Variants in WWC2 observed in about 807,000 individuals in gnomAD.
WWC2 encodes protein WWC2.
WWC2 carries 101 observed loss-of-function variants against 138.5 expected under a neutral mutation model. The observed-to-expected ratio is 0.73, with a 90% CI of 0.62 to 0.86. The LOEUF (loss-of-function observed/expected upper bound fraction) is 0.86, where lower values mean the gene tolerates loss of function less well. Ranked by LOEUF, WWC2 falls within the 40% of genes least tolerant of loss-of-function variation. The pLI is 0.00. For missense variants in WWC2, 1,420 were observed against 1,419.4 expected (o/e 1.00, Z -0.01); for synonymous variants, 558 against 538.4 (o/e 1.04, Z -0.50).
intron 2 of WWC2, among the ~76,000 whole-genome samples, chr4:183,205,486 A>G (rs913894345): frequency 9.9e-5 from 15 of 152,128 alleles, no homozygotes; most frequent in African/African-American, 3.6e-4. Flanking sequence ...TTTTCTCCAG[A>G]TTATGGGCCA....
At chr4:183,274,414 TTCAGAG>T (rs1442371712) in intron 16 of WWC2, among the ~76,000 whole-genome samples, 2 of 152,222 alleles carry the variant, frequency 1.3e-5, no homozygotes, top group Non-Finnish European at 2.9e-5. Flanking sequence ...TTTCATAGTT[TTCAGAG>T]TCAAAGTTTG....
intron 21 of WWC2, among the ~76,000 whole-genome samples, chr4:183,290,162 C>G (rs1012383180): frequency 6.6e-6 from 1 of 152,030 alleles, no homozygotes; most frequent in Admixed American, 6.6e-5. Flanking sequence ...TTGACATTCT[C>G]CCTTACCTTT....
At chr4:183,182,146 C>T (rs116319002) in intron 1 of WWC2, among the ~76,000 whole-genome samples, 6 of 152,214 alleles carry the variant, frequency 3.9e-5, no homozygotes, top group Non-Finnish European at 8.8e-5. Flanking sequence ...AAAGTCCTCT[C>T]AGTTTCTTAA....
intron 1 of WWC2, among the ~76,000 whole-genome samples, chr4:183,150,653 A>G (rs1733612128): frequency 6.6e-6 from 1 of 152,014 alleles, no homozygotes; most frequent in African/African-American, 2.4e-5. Flanking sequence ...TACATTAAGT[A>G]TTTCTCCTAA....
Position 183,317,486 on chromosome 4 carries a change from G to T in WWC2, c.*1757G>T, listed in dbSNP as rs1000271686. 6.6e-6 allele frequency: 1 copy of T among 152,582 alleles called. No homozygotes were observed. The highest frequency in any genetic ancestry group is 1.5e-5 in the Non-Finnish European group (1 of 68,016). 9.5% of individuals were successfully genotyped at this position (152,582 alleles called of 1,614,324 possible). A position where few individuals can be genotyped will look rare whatever the true frequency, so the allele number is the denominator to read the frequency against. ...TCTATTAGATGACTAAGGAAAACTA[G>T]AAAAAGAATACAGTTCACCCTTGTC... is the stretch of plus-strand genomic sequence containing the variant. On this transcript the variant is annotated 3_prime_UTR_variant, in exon 23 of 23. Transcript: ENST00000403733.
intron 16 of WWC2, among the ~76,000 whole-genome samples, chr4:183,272,304 T>C (rs1737717432): frequency 6.6e-6 from 1 of 152,232 alleles, no homozygotes; most frequent in Non-Finnish European, 1.5e-5. Flanking sequence ...CCCAGGCTTG[T>C]GATAGACACT....
intron 11 of WWC2, among the ~76,000 whole-genome samples, chr4:183,263,594 G>A (rs1052963731): frequency 6.6e-6 from 1 of 152,160 alleles, no homozygotes; most frequent in African/African-American, 2.4e-5. Context: ...CTGAAAACAA[G>A]TGAAAGCGTA....
chr4:183,126,102 G>A (rs1262016922), intron 1 of WWC2, among the ~76,000 whole-genome samples: 1 of 152,224 alleles, frequency 6.6e-6, no homozygotes. Context: ...TCCTGGCCCA[G>A]TTCAGTTCCT....
intron 1 of WWC2, among the ~76,000 whole-genome samples, chr4:183,113,463 CTGAGG>C (rs1316429213): frequency 6.7e-6 from 1 of 150,010 alleles, no homozygotes; most frequent in Non-Finnish European, 1.5e-5. Flanking sequence ...TTCAATTGAA[CTGAGG>C]TAAGGTGGGG....
At chr4:183,135,544 TTATA>T (rs376850602) in intron 1 of WWC2, among the ~76,000 whole-genome samples, 3,711 of 150,004 alleles carry the variant, frequency 0.025, 75 homozygotes, top group Non-Finnish European at 0.037. Flanking sequence ...AGTACTTTAA[TTATA>T]TATATATATA....
intron 1 of WWC2, among the ~76,000 whole-genome samples, chr4:183,109,443 G>T (rs576748840): frequency 6.6e-6 from 1 of 152,316 alleles, no homozygotes; most frequent in African/African-American, 2.4e-5. Context: ...GACTGGTTTT[G>T]TGGAAGACAA....
chr4:183,145,966 GAT>G lies in WWC2; in HGVS notation c.131+46345_131+46346del, dbSNP rs553829660. 7.2e-5 allele frequency among the ~76,000 whole-genome samples: 11 copies of G among 152,318 alleles called. No homozygotes were observed. The South Asian group carries it at 2.3e-3, about 32-fold the overall frequency. ...ATTCCTTAAGTTTTGAAGTTTGGTTGATTAATGTGTCTACTTGAAGGATTTAT... is the reference window on the plus strand; with the variant it reads ...ATTCCTTAAGTTTTGAAGTTTGGTTGTAATGTGTCTACTTGAAGGATTTAT... On this transcript the variant is annotated intron_variant, in intron 1 of 22. Transcript: ENST00000403733.
At chr4:183,300,576 TA>T in intron 21 of WWC2, among the ~76,000 whole-genome samples, 1 of 152,308 alleles carries the variant, frequency 6.6e-6, no homozygotes, top group South Asian at 2.1e-4. Context: ...AATTGTTTGG[TA>T]TTGATTATTA....
chr4:183,286,320 G>A (rs1364791327), intron 20 of WWC2, among the ~76,000 whole-genome samples: 2 of 152,092 alleles, frequency 1.3e-5, no homozygotes, highest in East Asian at 1.9e-4. Flanking sequence ...TGGAGAAGGG[G>A]CCTTCTGAGC....
At chr4:183,113,544 G>A (rs1342658175) in intron 1 of WWC2, among the ~76,000 whole-genome samples, 1 of 148,708 alleles carries the variant, frequency 6.7e-6, no homozygotes, top group Admixed American at 6.6e-5. Flanking sequence ...ACATGCACGT[G>A]CATGCAAGAT....
intron 2 of WWC2, among the ~76,000 whole-genome samples, chr4:183,202,435 C>T (rs1315942053): frequency 6.6e-6 from 1 of 152,096 alleles, no homozygotes; most frequent in Non-Finnish European, 1.5e-5. Context: ...AATACACCAT[C>T]CACTGACAAA....
At chr4:183,238,911 A>T (rs1225378909) in intron 4 of WWC2, among the ~76,000 whole-genome samples, 1 of 152,322 alleles carries the variant, frequency 6.6e-6, no homozygotes, top group East Asian at 1.9e-4. Context: ...ACTCAGGCCT[A>T]GCACCAGACA....
chr4:183,312,493 T>C (rs778732575), intron 22 of WWC2, 25 bp downstream of exon 22: 1 of 1,611,928 alleles, frequency 6.2e-7, no homozygotes, highest in Admixed American at 1.7e-5. Flanking sequence ...CCAGGACAGC[T>C]TTTGGGTTGC....
chr4:183,230,326 G>T (rs1214521196), intron 4 of WWC2, among the ~76,000 whole-genome samples: 3 of 151,412 alleles, frequency 2.0e-5, no homozygotes, highest in Non-Finnish European at 4.4e-5. Flanking sequence ...GAGCAATGTA[G>T]TCAACCTAAG....
Sources: allele counts gnomAD v4.1 joint callset (sites outside exome capture counted in the v4.1 genomes callset), GRCh38; gene constraint gnomAD v4.1.1; transcripts MANE v1.5; gene names NCBI Gene and HGNC (gene_info 2026-07-23, HGNC 2026-07-21).